Variants in SAMD12 observed in about 807,000 individuals in gnomAD.
The protein encoded by SAMD12 is sterile alpha motif domain containing 12, also known as sterile alpha motif domain-containing protein 12.
Under a neutral mutation model 15.0 loss-of-function variants are expected in SAMD12, and 9 were observed. The observed-to-expected ratio is 0.60, with a 90% CI of 0.36 to 1.05. The LOEUF (loss-of-function observed/expected upper bound fraction) is 1.05. Among genes scored for constraint, SAMD12 ranks in the 50% least tolerant of loss-of-function variants. The pLI is 0.01. For missense variants in SAMD12, 230 were observed against 234.2 expected, an observed-to-expected ratio of 0.98 and a Z score of 0.12; for synonymous variants, 86 against 90.1, an observed-to-expected ratio of 0.96 and a Z score of 0.25.
At chr8:118,531,194 C>G (rs185681726) in intron 2 of SAMD12, among the ~76,000 whole-genome samples, 1 of 152,144 alleles carries the variant, frequency 6.6e-6, no homozygotes, top group Non-Finnish European at 1.5e-5. Context: ...GAATCCTTTC[C>G]CCATTGCTTG....
At chr8:118,184,816 TC>T (rs1173798112), downstream of SAMD12, among the ~76,000 whole-genome samples, 3 of 152,140 alleles carry the variant, frequency 2.0e-5, no homozygotes, top group Non-Finnish European at 4.4e-5. Context: ...AAAATATAGT[TC>T]TGAATTCACC....
At position 118,379,209 on chromosome 8, in the gene SAMD12, C is replaced by A; in HGVS notation, c.*208G>T. 7.2e-7 allele frequency: 1 copy of A among 1,389,048 alleles called. No individual in the cohort carries two copies. The highest frequency in any genetic ancestry group is 9.3e-7 in the Non-Finnish European group (1 of 1,072,436). The allele number at this position is 1,389,048 out of a possible 1,614,324, so 86.0% of individuals were successfully genotyped here. A position where few individuals can be genotyped will look rare whatever the true frequency, so the allele number is the denominator to read the frequency against. On this transcript the variant is annotated 3_prime_UTR_variant, in exon 4 of 4. Coordinates refer to ENST00000314727, the MANE Select transcript of SAMD12 (RefSeq NM_207506.3). ...GCTACAGCTGGACTGTACAGTTGTG[C>A]AGGCTGCACATTATACAACTCTAGT... is the stretch of plus-strand genomic sequence containing the variant.
chr8:118,287,119 A>T (rs1388498656), intron 4 of SAMD12, among the ~76,000 whole-genome samples: 1 of 136,142 alleles, frequency 7.3e-6, no homozygotes, highest in Admixed American at 8.1e-5. Flanking sequence ...AGTAAGGAAG[A>T]ATATTTTTTT....
At chr8:118,367,362 C>G (rs1326106295) in intron 4 of SAMD12, among the ~76,000 whole-genome samples, 1 of 152,118 alleles carries the variant, frequency 6.6e-6, no homozygotes, top group Non-Finnish European at 1.5e-5. Flanking sequence ...TCTAAAAATC[C>G]CATAGGACAT....
chr8:118,143,411 C>G, the SAMD12 span, among the ~76,000 whole-genome samples: 1 of 152,092 alleles, frequency 6.6e-6, no homozygotes, highest in African/African-American at 2.4e-5. Context: ...GGCATAAATA[C>G]CCTAAGTGAC....
chr8:118,435,890 A>G (rs1430036063), intron 3 of SAMD12, among the ~76,000 whole-genome samples: 1 of 152,236 alleles, frequency 6.6e-6, no homozygotes, highest in Non-Finnish European at 1.5e-5. Flanking sequence ...AACAGCGGAC[A>G]CAATTATAGA....
intron 2 of SAMD12, among the ~76,000 whole-genome samples, chr8:118,440,384 G>A (rs993553944): frequency 1.1e-4 from 16 of 152,112 alleles, no homozygotes; most frequent in African/African-American, 1.9e-4. Flanking sequence ...CTGGCTCCAG[G>A]AAGTGCTAAT....
At chr8:118,455,437 T>C (rs2130924707) in intron 2 of SAMD12, among the ~76,000 whole-genome samples, 1 of 152,304 alleles carries the variant, frequency 6.6e-6, no homozygotes, top group East Asian at 1.9e-4. Context: ...CCGCACTAGT[T>C]AGTCCTTCTT....
the SAMD12 span, among the ~76,000 whole-genome samples, chr8:118,147,114 T>G: frequency 6.6e-6 from 1 of 151,728 alleles, no homozygotes; most frequent in Non-Finnish European, 1.5e-5. Context: ...AAACTCTGCC[T>G]CCTGGGTTCA....
chr8:118,460,878 C>G (rs967526200), intron 2 of SAMD12, among the ~76,000 whole-genome samples: 1 of 152,126 alleles, frequency 6.6e-6, no homozygotes, highest in Non-Finnish European at 1.5e-5. Context: ...TCCCGTCTGG[C>G]AAAACTGACA....
the SAMD12 span, among the ~76,000 whole-genome samples, chr8:118,179,439 GAAAAAA>G: frequency 1.1e-5 from 1 of 92,306 alleles, no homozygotes. Flanking sequence ...CTCCGTCTCC[GAAAAAA>G]AAAAAAAAAA....
intron 2 of SAMD12, among the ~76,000 whole-genome samples, chr8:118,506,577 A>G (rs987165081): frequency 1.3e-5 from 2 of 152,088 alleles, no homozygotes; most frequent in African/African-American, 4.8e-5. Context: ...GTCTGAGTTT[A>G]TCAAACCATA....
the SAMD12 span, among the ~76,000 whole-genome samples, chr8:118,163,874 C>T: frequency 1.3e-5 from 2 of 149,160 alleles, no homozygotes; most frequent in Non-Finnish European, 3.0e-5. Flanking sequence ...GACTCCGTCT[C>T]AAACAAAACA....
At chr8:118,564,658 T>G (rs1184586001) in intron 2 of SAMD12, among the ~76,000 whole-genome samples, 1 of 152,210 alleles carries the variant, frequency 6.6e-6, no homozygotes, top group Non-Finnish European at 1.5e-5. Context: ...TTCCTGCCTA[T>G]GAAGTGCTTA....
chr8:118,575,787 AG>A (rs1227836588), intron 2 of SAMD12, among the ~76,000 whole-genome samples: 1 of 152,226 alleles, frequency 6.6e-6, no homozygotes, highest in Non-Finnish European at 1.5e-5. Flanking sequence ...ATAAACACCT[AG>A]AAAATCAAGT....
chr8:118,192,245 A>C (rs1586327618), exon 5 of SAMD12: 1 of 152,116 alleles, frequency 6.6e-6, no homozygotes, highest in Non-Finnish European at 1.5e-5. Context: ...GATTAAATGC[A>C]ATCATATTAC....
chr8:118,415,448 G>GGGGTGTGTGTGTGTGTGTGTGT (rs1554658041), intron 3 of SAMD12, among the ~76,000 whole-genome samples: 1 of 142,858 alleles, frequency 7.0e-6, no homozygotes, highest in South Asian at 2.4e-4. Flanking sequence ...CTTGTCCTAA[G>GGGGTGTGTGTGTGTGTGTGTGT]GTGTGTGTGT....
downstream of SAMD12, among the ~76,000 whole-genome samples, chr8:118,184,590 A>G (rs111832068): frequency 0.032 from 4,856 of 152,038 alleles, 107 homozygotes; most frequent in South Asian, 0.078. Context: ...CCGGCTCCCC[A>G]GTTCGAGCAA....
intron 4 of SAMD12, among the ~76,000 whole-genome samples, chr8:118,294,490 A>C (rs1814602682): frequency 6.6e-6 from 1 of 152,118 alleles, no homozygotes; most frequent in Non-Finnish European, 1.5e-5. Context: ...CTCCTCAATC[A>C]CCAATAGTTT....
Sources: gnomAD v4.1 joint callset for allele counts (sites outside exome capture counted in the v4.1 genomes callset) on GRCh38, gnomAD v4.1.1 for gene constraint, MANE v1.5 for transcripts, NCBI Gene and HGNC (gene_info 2026-07-23, HGNC 2026-07-21) for gene names.